FSTL4: variants seen among roughly 807,000 people sequenced by gnomAD.
FSTL4 encodes the protein follistatin-related protein 4.
Under a neutral mutation model 78.2 loss-of-function variants are expected in FSTL4, and 28 were observed. The ratio of observed to expected loss-of-function variants is 0.36; its 90% confidence interval spans 0.27 to 0.49. FSTL4 has a LOEUF of 0.49. FSTL4 is among the 20% of genes least tolerant of loss of function. The pLI is 0.98. For synonymous variants in FSTL4, 422 were observed against 440.5 expected, an observed-to-expected ratio of 0.96 and a Z score of 0.53; for missense variants, 922 against 1,084.9, an observed-to-expected ratio of 0.85 and a Z score of 2.11.
chr5:133,568,807 A>T (rs184057340), intron 2 of FSTL4, among the ~76,000 whole-genome samples: 1 of 152,360 alleles, frequency 6.6e-6, no homozygotes, highest in African/African-American at 2.4e-5. Flanking sequence ...GGAGATATTC[A>T]TAATCAGCTC....
At chr5:133,222,949 T>C (rs1751192971) in intron 11 of FSTL4, among the ~76,000 whole-genome samples, 1 of 152,262 alleles carries the variant, frequency 6.6e-6, no homozygotes, top group Non-Finnish European at 1.5e-5. Flanking sequence ...ATTTGTTCAC[T>C]GCTCAATTGT....
At chr5:133,673,138 A>T in the FSTL4 span, among the ~76,000 whole-genome samples, 1 of 152,254 alleles carries the variant, frequency 6.6e-6, no homozygotes, top group Non-Finnish European at 1.5e-5. Flanking sequence ...GATAGCATCT[A>T]TCTCAGTGAG....
upstream of FSTL4, among the ~76,000 whole-genome samples, chr5:133,615,818 G>C (rs2112991204): frequency 6.6e-6 from 1 of 152,304 alleles, no homozygotes; most frequent in African/African-American, 2.4e-5. Context: ...TCATTCAAGG[G>C]ACAACTGTGA....
At chr5:133,410,299 C>T (rs901939386) in intron 3 of FSTL4, among the ~76,000 whole-genome samples, 1 of 152,136 alleles carries the variant, frequency 6.6e-6, no homozygotes, top group African/African-American at 2.4e-5. Flanking sequence ...TCCCTGTCAC[C>T]GGCCCTCATT....
chr5:133,792,506 G>A, the FSTL4 span, among the ~76,000 whole-genome samples: 2 of 152,202 alleles, frequency 1.3e-5, no homozygotes, highest in African/African-American at 4.8e-5. Context: ...GAGTTCGTGT[G>A]TCCCCAAAGC....
intron 3 of FSTL4, among the ~76,000 whole-genome samples, chr5:133,436,091 GTATTCTAAGTATAGTATT>G (rs1314635997): frequency 6.6e-6 from 1 of 152,102 alleles, no homozygotes; most frequent in Admixed American, 6.5e-5. Flanking sequence ...TCTTCTGAGG[GTATTCTAAGTATAGTATT>G]TATTCTAAGT....
chr5:133,237,399 C>T (rs1751694063), intron 7 of FSTL4, among the ~76,000 whole-genome samples: 1 of 152,138 alleles, frequency 6.6e-6, no homozygotes, highest in Non-Finnish European at 1.5e-5. Context: ...TCCTGCTTAC[C>T]AAGTACACAT....
At chr5:133,668,399 T>C in the FSTL4 span, among the ~76,000 whole-genome samples, 1 of 152,168 alleles carries the variant, frequency 6.6e-6, no homozygotes, top group Non-Finnish European at 1.5e-5. Flanking sequence ...TGGAGACTTA[T>C]TTCACTAAAT....
chr5:133,739,383 G>A, the FSTL4 span, among the ~76,000 whole-genome samples: 1 of 151,582 alleles, frequency 6.6e-6, no homozygotes, highest in Non-Finnish European at 1.5e-5. Flanking sequence ...GTAGGGAGTC[G>A]CAGGCGAGGA....
chr5:133,403,388 C>T (rs191950166), intron 3 of FSTL4, among the ~76,000 whole-genome samples: 10 of 152,298 alleles, frequency 6.6e-5, no homozygotes, highest in Admixed American at 1.3e-4. Flanking sequence ...TGCTACCAGC[C>T]CAAGTCCAAG....
upstream of FSTL4, among the ~76,000 whole-genome samples, chr5:133,617,345 AT>A (rs2112992263): frequency 6.6e-6 from 1 of 150,820 alleles, no homozygotes; most frequent in South Asian, 2.1e-4. Flanking sequence ...GCACCAAATG[AT>A]AGCGAGAAAC....
the FSTL4 span, among the ~76,000 whole-genome samples, chr5:133,838,244 A>T: frequency 1.6e-4 from 24 of 152,330 alleles, no homozygotes; most frequent in East Asian, 3.1e-3. Context: ...TGTCACCTTG[A>T]TAGCTTTCCG....
At chr5:133,534,622 C>T (rs1276053472) in intron 3 of FSTL4, among the ~76,000 whole-genome samples, 4 of 152,248 alleles carry the variant, frequency 2.6e-5, no homozygotes, top group African/African-American at 4.8e-5. Context: ...AACATAGCCC[C>T]AAGGTCAAAA....
rs764822925 is a variant in FSTL4, at chr5:133,220,848, A to G, written c.1358T>C (p.Met453Thr). 4.5e-5 allele frequency: 73 copies of G among 1,609,800 alleles called. No homozygotes were observed. Among genetic ancestry groups the G allele is most frequent in the South Asian group, 1.1e-4 (10 of 91,004 alleles). Reference sequence around the variant, plus strand: ...ACCGTCGTCGGAGAAGACATAGAACATGTTTCCCACGCTGAGGCCTGGGAG... The same window carrying G: ...ACCGTCGTCGGAGAAGACATAGAACGTGTTTCCCACGCTGAGGCCTGGGAG... ...WREEGLSVGN[M>T]FYVFSDDGII... is the part of the protein sequence containing the mutation. The change falls in exon 12 of 16, where the codon ATG (methionine) becomes ACG (threonine). Residue 453 changes from methionine (M) to threonine (T), a missense_variant. Met to Thr is a moderately conservative substitution (Grantham distance 81). Transcript: ENST00000265342.
At chr5:133,296,939 C>T (rs1346265488) in intron 6 of FSTL4, among the ~76,000 whole-genome samples, 1 of 152,138 alleles carries the variant, frequency 6.6e-6, no homozygotes, top group South Asian at 2.1e-4. Context: ...GCCTTGGGGG[C>T]TGGGGCTGGT....
At chr5:133,213,930 G>A (rs1339569754) in intron 13 of FSTL4, among the ~76,000 whole-genome samples, 2 of 152,170 alleles carry the variant, frequency 1.3e-5, no homozygotes, top group Admixed American at 6.5e-5. Flanking sequence ...ATGAGAAAAC[G>A]AATTAAAATA....
At chr5:133,202,160 TAACA>T (rs1163647086) in intron 14 of FSTL4, 118 bp from the exon 15 acceptor site, 1 of 597,410 alleles carries the variant, frequency 1.7e-6, no homozygotes, top group Non-Finnish European at 3.0e-6. Context: ...GAGAGATGAC[TAACA>T]AACCTCAATC....
the FSTL4 span, among the ~76,000 whole-genome samples, chr5:133,733,919 G>A: frequency 6.6e-6 from 1 of 152,166 alleles, no homozygotes; most frequent in Non-Finnish European, 1.5e-5. Context: ...ACTGGTTGTT[G>A]GCATGACGCC....
At chr5:133,430,892 C>A (rs1252275194) in intron 3 of FSTL4, among the ~76,000 whole-genome samples, 1 of 152,160 alleles carries the variant, frequency 6.6e-6, no homozygotes, top group Non-Finnish European at 1.5e-5. Context: ...GAAAAGGACA[C>A]CTTATACAAA....
Sources: allele counts gnomAD v4.1 joint callset (sites outside exome capture counted in the v4.1 genomes callset), GRCh38; gene constraint gnomAD v4.1.1; transcripts MANE v1.5; gene names NCBI Gene and HGNC (gene_info 2026-07-23, HGNC 2026-07-21).